The following ARHGAP10 variants were observed in gnomAD, a reference collection of about 807,000 sequenced individuals.
ARHGAP10 encodes the protein rho GTPase-activating protein 10.
In ARHGAP10, 87 loss-of-function variants were observed where a neutral mutation model predicts 108.6. The ratio of observed to expected loss-of-function variants is 0.80; its 90% CI spans 0.67 to 0.96. ARHGAP10 has a LOEUF of 0.96. ARHGAP10 is among the 40% of genes least tolerant of loss of function. The pLI is 0.00. For synonymous variants in ARHGAP10, 347 were observed against 341.1 expected (o/e 1.02, Z -0.19); for missense variants, 939 against 954.5 (o/e 0.98, Z 0.21).
At chr4:147,927,303 G>A (rs543164960) in intron 13 of ARHGAP10, among the ~76,000 whole-genome samples, 22 of 152,266 alleles carry the variant, frequency 1.4e-4, no homozygotes, top group Middle Eastern at 3.4e-3. Context: ...TCTAAAGTTA[G>A]ACCTGCCTTT....
chr4:147,844,042 C>T (rs1023422787), intron 3 of ARHGAP10, among the ~76,000 whole-genome samples: 3 of 152,198 alleles, frequency 2.0e-5, no homozygotes, highest in African/African-American at 4.8e-5. Flanking sequence ...GGACCTGTGT[C>T]TCTGACAGCT....
chr4:147,959,348 T>C (rs1298758152), intron 16 of ARHGAP10, among the ~76,000 whole-genome samples: 1 of 152,094 alleles, frequency 6.6e-6, no homozygotes, highest in Non-Finnish European at 1.5e-5. Context: ...TGAAAGGTTT[T>C]GACTCTATTT....
chr4:147,864,993 C>A, intron 6 of ARHGAP10, 37 bp downstream of exon 6: 1 of 1,530,500 alleles, frequency 6.5e-7, no homozygotes, highest in Non-Finnish European at 9.0e-7. Context: ...TGGATTTTTG[C>A]AATGTAAGAT....
At chr4:147,973,582 T>C (rs1167626926) in intron 18 of ARHGAP10, among the ~76,000 whole-genome samples, 1 of 152,160 alleles carries the variant, frequency 6.6e-6, no homozygotes, top group African/African-American at 2.4e-5. Context: ...TGTAAGAAAT[T>C]ATTGTTGACT....
At chr4:147,964,669 G>A (rs1187643704) in intron 16 of ARHGAP10, among the ~76,000 whole-genome samples, 3 of 152,104 alleles carry the variant, frequency 2.0e-5, no homozygotes, top group Non-Finnish European at 4.4e-5. Flanking sequence ...CCATTGTGGC[G>A]TGACCCAGTG....
At chr4:147,923,835 CT>C (rs1238807502) in intron 13 of ARHGAP10, among the ~76,000 whole-genome samples, 3 of 152,164 alleles carry the variant, frequency 2.0e-5, no homozygotes, top group African/African-American at 7.2e-5. Flanking sequence ...CAGTATTAAT[CT>C]TCAGGGGTAT....
intron 21 of ARHGAP10, among the ~76,000 whole-genome samples, chr4:148,064,143 C>T (rs1729751502): frequency 6.6e-6 from 1 of 152,156 alleles, no homozygotes; most frequent in South Asian, 2.1e-4. Context: ...GAAAGGGCAT[C>T]CCACCAGGTA....
Position 147,732,330 on chromosome 4 carries a change from A to T in ARHGAP10, c.29A>T (p.Asp10Val). 9 of 1,612,764 alleles carry T rather than the reference A, an allele frequency of 5.6e-6. No individual in the cohort carries two copies. Among genetic ancestry groups the T allele is most frequent in the Non-Finnish European group, 7.6e-6 (9 of 1,179,370 alleles). MGLQPLEFS[D>V]CYLDSPWFRE... ...GGGCTGCAGCCCCTGGAGTTCAGCG[A>T]CTGCTACCTCGACAGCCCGTGGTTC... is the stretch of plus-strand genomic sequence containing the variant. The change falls in exon 1 of 23, where the codon GAC (aspartate) becomes GTC (valine). Residue 10 changes from aspartate to valine, a missense_variant. By Grantham distance (152) the Asp-to-Val change is radical (BLOSUM62 -3). Transcript: ENST00000336498.
chr4:148,024,934 C>G (rs921640399), intron 19 of ARHGAP10, among the ~76,000 whole-genome samples: 12 of 152,134 alleles, frequency 7.9e-5, no homozygotes, highest in African/African-American at 2.4e-4. Flanking sequence ...GGCTCATTGG[C>G]CCTTGAGCAA....
intron 15 of ARHGAP10, among the ~76,000 whole-genome samples, chr4:147,949,456 G>A (rs964069532): frequency 2.0e-5 from 3 of 152,172 alleles, no homozygotes; most frequent in Admixed American, 2.0e-4. Context: ...GGGATGTTTG[G>A]CCATGTTTGG....
At chr4:147,924,043 T>G (rs1056319887) in intron 13 of ARHGAP10, among the ~76,000 whole-genome samples, 2 of 152,206 alleles carry the variant, frequency 1.3e-5, no homozygotes, top group Non-Finnish European at 2.9e-5. Flanking sequence ...GAGGACAGTC[T>G]TCTGTGGGAG....
intron 1 of ARHGAP10, among the ~76,000 whole-genome samples, chr4:147,789,227 CA>C (rs969887141): frequency 6.6e-6 from 1 of 152,202 alleles, no homozygotes; most frequent in Non-Finnish European, 1.5e-5. Context: ...ATTATCTAAG[CA>C]ATATTTCATC....
intron 16 of ARHGAP10, among the ~76,000 whole-genome samples, chr4:147,961,712 A>G (rs1399491377): frequency 6.6e-6 from 1 of 151,936 alleles, no homozygotes; most frequent in East Asian, 1.9e-4. Context: ...TCATTTTAGT[A>G]GAAAGGGGCT....
intron 7 of ARHGAP10, 135 bp downstream of exon 7, chr4:147,866,951 C>A: frequency 1.4e-6 from 1 of 724,362 alleles, no homozygotes; most frequent in Non-Finnish European, 2.2e-6. Flanking sequence ...ATGCTGCCAC[C>A]TGCTGGTCAA....
chr4:148,017,682 A>ATGTGTG (rs1553971551), intron 18 of ARHGAP10, among the ~76,000 whole-genome samples: 3 of 135,252 alleles, frequency 2.2e-5, no homozygotes, highest in African/African-American at 8.6e-5. Flanking sequence ...ATATATATAT[A>ATGTGTG]TGTGTGTGTA....
At chr4:148,037,833 C>CAAA (rs58928158) in intron 19 of ARHGAP10, among the ~76,000 whole-genome samples, 1 of 109,872 alleles carries the variant, frequency 9.1e-6, no homozygotes, top group African/African-American at 3.1e-5. Flanking sequence ...GACTCCGTCT[C>CAAA]AAAAAAAAAA....
At chr4:147,856,938 C>T (rs776863630) in intron 4 of ARHGAP10, among the ~76,000 whole-genome samples, 2 of 152,128 alleles carry the variant, frequency 1.3e-5, no homozygotes, top group African/African-American at 2.4e-5. Context: ...CTGCAACCTC[C>T]GCCTCTGGGG....
At chr4:147,951,716 G>A (rs60552583) in intron 15 of ARHGAP10, among the ~76,000 whole-genome samples, 8,653 of 151,934 alleles carry the variant, frequency 0.057, 807 homozygotes, top group African/African-American at 0.2. Flanking sequence ...GCCTCCCAAA[G>A]CACTGGGGTT....
In ARHGAP10 at chr4:147,803,423, A is replaced by G. The variant is rs370275574; in HGVS notation, c.155-19304A>G. On this transcript the variant is annotated intron_variant, in intron 1 of 22. Transcript: ENST00000336498. Reference sequence around the variant, plus strand: ...TCAAATCAGGGTAATTGGGATATCTATTGCCTCAAACATTTATCATGTGCT... The same window carrying G: ...TCAAATCAGGGTAATTGGGATATCTGTTGCCTCAAACATTTATCATGTGCT... 9.2e-5 allele frequency among the ~76,000 whole-genome samples: 14 copies of G among 152,322 alleles called. No homozygotes were observed. In the East Asian group the frequency reaches 2.5e-3, roughly 27 times the overall value.
Sources: allele counts gnomAD v4.1 joint callset (sites outside exome capture counted in the v4.1 genomes callset), GRCh38; gene constraint gnomAD v4.1.1; transcripts MANE v1.5; gene names NCBI Gene and HGNC (gene_info 2026-07-23, HGNC 2026-07-21).